Variants in MCTP1 observed in about 807,000 individuals in gnomAD.
The protein encoded by MCTP1 is multiple C2 and transmembrane domain-containing protein 1.
A neutral mutation model predicts 120.6 loss-of-function variants in MCTP1; 69 were observed. That is an observed-to-expected ratio of 0.57 (90% CI 0.47 to 0.70). MCTP1 has a LOEUF of 0.70. MCTP1 is among the 30% of genes least tolerant of loss of function. The pLI, the probability that MCTP1 is intolerant of heterozygous loss-of-function variation, is 0.00. For missense variants in MCTP1, 1,203 were observed against 1,248.8 expected (o/e 0.96, Z 0.55); for synonymous variants, 529 against 493.1 (o/e 1.07, Z -0.96).
chr5:94,915,524 T>C (rs1040907716), intron 8 of MCTP1, among the ~76,000 whole-genome samples: 1 of 152,226 alleles, frequency 6.6e-6, no homozygotes, highest in African/African-American at 2.4e-5. Flanking sequence ...CTATGTGCTC[T>C]CTAGAAGCAG....
chr5:95,262,827 A>G, intron 1 of MCTP1, among the ~76,000 whole-genome samples: 1 of 152,230 alleles, frequency 6.6e-6, no homozygotes, highest in Non-Finnish European at 1.5e-5. Flanking sequence ...TATGTCAAAC[A>G]ATGTCATCTA....
At chr5:94,708,713 G>GT (rs1050764462) in intron 21 of MCTP1, 104 bp from the exon 22 acceptor site, 14 of 639,428 alleles carry the variant, frequency 2.2e-5, no homozygotes, top group Admixed American at 1.6e-4. Flanking sequence ...AATACACCCA[G>GT]TTTTTTCCCC....
intron 1 of MCTP1, among the ~76,000 whole-genome samples, chr5:95,082,331 C>A (rs1199710992): frequency 1.3e-5 from 2 of 152,174 alleles, no homozygotes; most frequent in African/African-American, 4.8e-5. Context: ...GCTTTCTCCA[C>A]CACATGTTAT....
chr5:95,170,479 C>G (rs910526080), intron 1 of MCTP1, among the ~76,000 whole-genome samples: 3 of 152,150 alleles, frequency 2.0e-5, no homozygotes, highest in African/African-American at 7.2e-5. Context: ...AACTTTCTGT[C>G]TCGTTGATCT....
intron 20 of MCTP1, among the ~76,000 whole-genome samples, chr5:94,711,144 G>T (rs1175478951): frequency 6.6e-6 from 1 of 152,050 alleles, no homozygotes; most frequent in Non-Finnish European, 1.5e-5. Context: ...ACCTCCTCCA[G>T]ATTGTTCCAG....
At chr5:95,039,710 T>C (rs1841983828) in intron 1 of MCTP1, among the ~76,000 whole-genome samples, 1 of 152,112 alleles carries the variant, frequency 6.6e-6, no homozygotes, top group South Asian at 2.1e-4. Flanking sequence ...GGATCTGCTA[T>C]AGATAAAATG....
At chr5:94,804,659 C>T (rs765636992) in intron 17 of MCTP1, among the ~76,000 whole-genome samples, 25 of 152,186 alleles carry the variant, frequency 1.6e-4, no homozygotes, top group Non-Finnish European at 3.2e-4. Flanking sequence ...AGGATGGTCT[C>T]GATCTCCTGA....
intron 2 of MCTP1, among the ~76,000 whole-genome samples, chr5:94,960,559 T>C (rs1476476793): frequency 6.6e-6 from 1 of 151,986 alleles, no homozygotes; most frequent in African/African-American, 2.4e-5. Flanking sequence ...ACAAGGAACT[T>C]AAACAAATTT....
chr5:94,996,985 AGAG>A (rs1282392493), intron 2 of MCTP1, among the ~76,000 whole-genome samples: 2 of 152,192 alleles, frequency 1.3e-5, no homozygotes, highest in Non-Finnish European at 2.9e-5. Flanking sequence ...CCTGGCTAAC[AGAG>A]GAGATGGACT....
At chr5:94,839,598 A>G (rs1311203192) in intron 17 of MCTP1, among the ~76,000 whole-genome samples, 1 of 152,226 alleles carries the variant, frequency 6.6e-6, no homozygotes, top group Non-Finnish European at 1.5e-5. Context: ...AAAGACTTCA[A>G]AAATAATTCT....
At chr5:95,122,325 G>A (rs1274952732) in intron 1 of MCTP1, among the ~76,000 whole-genome samples, 2 of 152,044 alleles carry the variant, frequency 1.3e-5, no homozygotes, top group Non-Finnish European at 2.9e-5. Context: ...GATCTGAATT[G>A]AAAATAGACA....
At chr5:95,232,290 C>T (rs879425700) in intron 1 of MCTP1, among the ~76,000 whole-genome samples, 2 of 150,176 alleles carry the variant, frequency 1.3e-5, no homozygotes, top group African/African-American at 4.9e-5. Context: ...ACAGGACTAA[C>T]ATAATAAAAC....
chr5:95,052,506 A>G (rs1582043142), intron 1 of MCTP1, among the ~76,000 whole-genome samples: 1 of 151,986 alleles, frequency 6.6e-6, no homozygotes, highest in African/African-American at 2.4e-5. Flanking sequence ...AACTCCAAGT[A>G]CTCTCCTGCC....
intron 1 of MCTP1, among the ~76,000 whole-genome samples, chr5:95,152,961 G>C (rs1391942948): frequency 6.6e-6 from 1 of 152,140 alleles, no homozygotes; most frequent in African/African-American, 2.4e-5. Flanking sequence ...GTAAGGATAT[G>C]GGCATGTGGT....
chr5:95,228,159 G>A (rs954031326), intron 1 of MCTP1, among the ~76,000 whole-genome samples: 2 of 152,158 alleles, frequency 1.3e-5, no homozygotes, highest in African/African-American at 4.8e-5. Flanking sequence ...CAAGATTTAA[G>A]AGAATTCAAA....
chr5:95,046,885 CA>C lies in MCTP1; in HGVS notation c.721-29402del, dbSNP rs573660039. 1.5e-3 allele frequency among the ~76,000 whole-genome samples: 234 copies of C among 152,254 alleles called. 1 individual carries two copies. The highest frequency in any genetic ancestry group is 5.1e-3 in the African/African-American group (214 of 41,556). ...TGCTGATACCCTGATGAGGCTCTAT[CA>C]AATTGATTTGAAGTTCATGAAAGAC... On this transcript the variant is annotated intron_variant, in intron 1 of 22. Transcript: ENST00000515393.
At chr5:94,909,730 T>C (rs1807948161) in intron 9 of MCTP1, among the ~76,000 whole-genome samples, 1 of 152,084 alleles carries the variant, frequency 6.6e-6, no homozygotes, top group African/African-American at 2.4e-5. Flanking sequence ...GTTAATGCAT[T>C]AAGATATAAC....
intron 2 of MCTP1, among the ~76,000 whole-genome samples, chr5:94,955,777 T>A (rs1000119665): frequency 6.6e-6 from 1 of 152,288 alleles, no homozygotes; most frequent in Admixed American, 6.5e-5. Flanking sequence ...CAGGAGTTTA[T>A]AGATAAAACT....
At chr5:94,960,412 T>C (rs1025319479) in intron 2 of MCTP1, among the ~76,000 whole-genome samples, 2 of 151,990 alleles carry the variant, frequency 1.3e-5, no homozygotes, top group African/African-American at 4.8e-5. Flanking sequence ...AAGCCAAAAT[T>C]GACAAATGAG....
Sources: allele counts gnomAD v4.1 joint callset (sites outside exome capture counted in the v4.1 genomes callset), GRCh38; gene constraint gnomAD v4.1.1; transcripts MANE v1.5; gene names NCBI Gene and HGNC (gene_info 2026-07-23, HGNC 2026-07-21).